ABCC3: variants seen among roughly 807,000 people sequenced by gnomAD.
The protein encoded by ABCC3 is ATP-binding cassette sub-family C member 3.
A neutral mutation model predicts 165.3 loss-of-function variants in ABCC3; 121 were observed. The observed-to-expected ratio is 0.73, with a 90% CI of 0.63 to 0.85. The LOEUF (loss-of-function observed/expected upper bound fraction) is 0.85, where lower values mean the gene tolerates loss of function less well. Ranked by LOEUF, ABCC3 falls within the 40% of genes least tolerant of loss-of-function variation. ABCC3 has a pLI of 0.00. For missense variants in ABCC3, 1,869 were observed against 1,964.1 expected, an observed-to-expected ratio of 0.95 and a Z score of 0.92; for synonymous variants, 733 against 810.1, an observed-to-expected ratio of 0.90 and a Z score of 1.62.
chr17:50,656,960 A>G, intron 3 of ABCC3, 86 bp from the exon 4 acceptor site: 1 of 1,555,646 alleles, frequency 6.4e-7, no homozygotes, highest in Non-Finnish European at 8.7e-7. Context: ...TGGCCCCAGA[A>G]ACTTCTGGCC....
chr17:50,643,667 T>C, intron 1 of ABCC3: 2 of 455,792 alleles, frequency 4.4e-6, no homozygotes, highest in South Asian at 3.1e-5. Context: ...AGAAGGTGGG[T>C]TTTCAGCCAG....
intron 8 of ABCC3, chr17:50,663,432 A>T (rs1967439451): frequency 1.9e-6 from 1 of 525,936 alleles, no homozygotes; most frequent in Non-Finnish European, 3.4e-6. Context: ...TGGTGGTGAG[A>T]GCGTCATCGA....
In ABCC3 at chr17:50,642,045, C is replaced by G. The variant is rs145827876; in HGVS notation, c.45+7064C>G. 3.3e-3 allele frequency among the ~76,000 whole-genome samples: 505 copies of G among 151,246 alleles called. 1 individual carries two copies. The highest frequency in any genetic ancestry group is 0.011 in the Middle Eastern group (3 of 284). ...ATGTGGCACTGTCATGCCGTTCAAC[C>G]TGTAATTTGAAGGTAGAATGGACAG... On this transcript the variant is annotated intron_variant, in intron 1 of 30. Coordinates refer to ENST00000285238, the MANE Select transcript of ABCC3 (RefSeq NM_003786.4).
intron 14 of ABCC3, 37 bp from the exon 15 acceptor site, chr17:50,668,816 G>A (rs751435133): frequency 6.3e-7 from 1 of 1,593,782 alleles, no homozygotes; most frequent in South Asian, 1.1e-5. Context: ...CATCCCTTGA[G>A]CTCCCTCCCT....
intron 1 of ABCC3, among the ~76,000 whole-genome samples, chr17:50,640,514 TTGTTG>T (rs1225088242): frequency 1.3e-5 from 2 of 152,094 alleles, no homozygotes; most frequent in Non-Finnish European, 2.9e-5. Context: ...GTTTGTTTGT[TTGTTG>T]TGTTGTGTTG....
intron 1 of ABCC3, among the ~76,000 whole-genome samples, chr17:50,641,699 T>A (rs1433149516): frequency 6.6e-6 from 1 of 152,196 alleles, no homozygotes; most frequent in Non-Finnish European, 1.5e-5. Flanking sequence ...AATACAGAGC[T>A]AAAGAATCTG....
At position 50,671,616 on chromosome 17, in the gene ABCC3, G is replaced by A. The variant is rs375040643; in HGVS notation, c.2242-1355G>A. ...TCTGGAGAGGGCCTCCTTGTTGGCG[G>A]GGAGTCTGCAGAGTCCCAAGGCCAT... On this transcript the variant is annotated intron_variant, in intron 17 of 30. Transcript: ENST00000285238. Among the ~76,000 whole-genome samples, 5 of 152,116 alleles carry A rather than the reference G, an allele frequency of 3.3e-5. No homozygotes were observed. In the South Asian group the frequency reaches 6.2e-4, roughly 19 times the overall value.
At chr17:50,660,777 T>A in intron 7 of ABCC3, 146 bp from the exon 8 acceptor site, 3 of 611,274 alleles carry the variant, frequency 4.9e-6, no homozygotes, top group East Asian at 3.0e-5. Flanking sequence ...TGTGCAATTC[T>A]TATGCTGTCT....
intron 25 of ABCC3, 25 bp from the exon 26 acceptor site, chr17:50,679,773 C>A: frequency 6.2e-7 from 1 of 1,602,560 alleles, no homozygotes; most frequent in East Asian, 2.2e-5. Context: ...GATCGCCATA[C>A]GTATAACCCA....
chr17:50,686,136 G>A (rs548797786), intron 29 of ABCC3, among the ~76,000 whole-genome samples: 135 of 146,670 alleles, frequency 9.2e-4, no homozygotes, highest in Non-Finnish European at 1.2e-3. Context: ...GGAGGTTGCA[G>A]TGAGCCAAGA....
intron 25 of ABCC3, 110 bp downstream of exon 25, chr17:50,678,329 A>T (rs1967868816): frequency 1.7e-6 from 2 of 1,208,452 alleles, no homozygotes; most frequent in African/African-American, 1.5e-5. Flanking sequence ...CACCAGCCAC[A>T]GGGTCTGTTC....
In ABCC3 at chr17:50,663,919, G is replaced by A. The variant is rs1967461149; in HGVS notation, c.1177-31G>A. The stretch of plus-strand genomic sequence containing the variant: ...CTGGGCAGCTTGCAAGAGGCTCGCA[G>A]CCAAGTCCACCCACTACTGTCTACC... On this transcript the variant is annotated intron_variant, in intron 9 of 30. Transcript: ENST00000285238. 5 of 1,614,180 alleles carry A rather than the reference G, an allele frequency of 3.1e-6. No homozygotes were observed. The East Asian group carries it at 1.1e-4, about 36-fold the overall frequency.
In ABCC3 at chr17:50,634,933, C is replaced by T. The variant is rs575311514; in HGVS notation, c.-4C>T. On this transcript the variant is annotated 5_prime_UTR_variant, in exon 1 of 31. Transcript: ENST00000285238. ...CGCCTTCCTTGCAGCCGCGCCTCGG[C>T]CCCATGGACGCCCTGTGCGGTTCCG... 3.2e-6 allele frequency: 4 copies of T among 1,257,046 alleles called. No individual in the cohort carries two copies. The South Asian group carries it at 9.8e-5, about 31-fold the overall frequency. The allele number at this position is 1,257,046 out of a possible 1,614,324, so 77.9% of individuals were successfully genotyped here.
chr17:50,662,486 A>G (rs1247494698), intron 8 of ABCC3, among the ~76,000 whole-genome samples: 1 of 151,802 alleles, frequency 6.6e-6, no homozygotes, highest in Non-Finnish European at 1.5e-5. Context: ...AAAAGTTAAG[A>G]TATTAGCCAG....
chr17:50,658,694 G>A, intron 6 of ABCC3, 198 bp downstream of exon 6: 1 of 654,582 alleles, frequency 1.5e-6, no homozygotes, highest in Admixed American at 2.5e-5. Context: ...CTGGCCCAGT[G>A]CCGCCCCCAG....
chr17:50,649,729 G>A (rs1967077390), intron 1 of ABCC3, among the ~76,000 whole-genome samples: 1 of 150,648 alleles, frequency 6.6e-6, no homozygotes, highest in South Asian at 2.1e-4. Context: ...AGGAAGGAAG[G>A]AAGGAAGAAA....
At chr17:50,658,028 C>A in intron 4 of ABCC3, 54 bp from the exon 5 acceptor site, 1 of 1,612,400 alleles carries the variant, frequency 6.2e-7, no homozygotes, top group Non-Finnish European at 8.5e-7. Context: ...AGGGCAGGGG[C>A]TGCAGGCCCA....
chr17:50,682,930 G>A (rs964820135), intron 26 of ABCC3, among the ~76,000 whole-genome samples: 1 of 152,150 alleles, frequency 6.6e-6, no homozygotes, highest in Admixed American at 6.6e-5. Flanking sequence ...GTGTGGCACA[G>A]TGGCTCACAC....
At chr17:50,666,406 G>A (rs1967528571) in intron 11 of ABCC3, among the ~76,000 whole-genome samples, 1 of 152,192 alleles carries the variant, frequency 6.6e-6, no homozygotes, top group South Asian at 2.1e-4. Flanking sequence ...AGGAGGCAGA[G>A]GTTGCGGTGA....
Sources: allele counts gnomAD v4.1 joint callset (sites outside exome capture counted in the v4.1 genomes callset), GRCh38; gene constraint gnomAD v4.1.1; transcripts MANE v1.5; gene names NCBI Gene and HGNC (gene_info 2026-07-23, HGNC 2026-07-21).